The following BCR variants were observed in gnomAD, a reference collection of about 807,000 sequenced individuals.
BCR encodes the protein BCR activator of RhoGEF and GTPase.
In BCR, 58 loss-of-function variants were observed where a neutral mutation model predicts 138.6. The ratio of observed to expected loss-of-function variants is 0.42; its 90% confidence interval spans 0.34 to 0.52. The LOEUF (loss-of-function observed/expected upper bound fraction) is 0.52, where lower values mean the gene tolerates loss of function less well. Ranked by LOEUF, BCR falls within the 20% of genes least tolerant of loss-of-function variation. The probability of loss-of-function intolerance (pLI) is 0.06; values close to 1 mark genes in which losing one functional copy is unlikely to be tolerated. For synonymous variants in BCR, 786 were observed against 730.1 expected (o/e 1.08, Z -1.23); for missense variants, 1,599 against 1,727.2 (o/e 0.93, Z 1.32).
At chr22:23,256,430 C>T (rs929131472) in intron 2 of BCR, among the ~76,000 whole-genome samples, 15 of 152,100 alleles carry the variant, frequency 9.9e-5, no homozygotes, top group African/African-American at 3.6e-4. Flanking sequence ...TGGCCTGTTG[C>T]GACAACCTGC....
Position 23,313,976 on chromosome 22 carries a change from G to T in BCR, c.3466G>T (p.Asp1156Tyr). Residue 1156 changes from aspartate (D) to tyrosine (Y), a missense_variant, in exon 21 of 23, where the codon GAC (aspartate) becomes TAC (tyrosine). By Grantham distance (160) the Asp-to-Tyr change is radical (BLOSUM62 -3). This residue lies in a region of BCR where 177 missense variants were observed against 226.4 expected (regional missense o/e 0.78). Transcript: ENST00000305877. The part of the protein sequence containing the change: ...PNFAEGIALS[D>Y]PVAKESCMLN... ...CCCACCGCCTTCTGCAGCTCTTTCAGACCCGGTTGCAAAGGAGAGCTGCAT... is the reference window on the plus strand; with the variant it reads ...CCCACCGCCTTCTGCAGCTCTTTCATACCCGGTTGCAAAGGAGAGCTGCAT... 1 of 1,613,928 alleles carries T rather than the reference G, an allele frequency of 6.2e-7. No individual in the cohort carries two copies. The highest frequency in any genetic ancestry group is 8.5e-7 in the Non-Finnish European group (1 of 1,179,954).
At chr22:23,208,281 T>A (rs1403868784) in intron 1 of BCR, among the ~76,000 whole-genome samples, 1 of 152,150 alleles carries the variant, frequency 6.6e-6, no homozygotes, top group Non-Finnish European at 1.5e-5. Context: ...CTTGTCCCTT[T>A]CACCTGTGCC....
chr22:23,250,258 GAA>G (rs1401527900), intron 1 of BCR, among the ~76,000 whole-genome samples: 22 of 152,334 alleles, frequency 1.4e-4, no homozygotes, highest in Non-Finnish European at 2.2e-4. Flanking sequence ...CATGGGCTCG[GAA>G]AGCACTCAGA....
chr22:23,228,514 A>G (rs1418257038), intron 1 of BCR, among the ~76,000 whole-genome samples: 1 of 152,186 alleles, frequency 6.6e-6, no homozygotes, highest in Non-Finnish European at 1.5e-5. Context: ...AAAACATACT[A>G]CCTTATAGTT....
chr22:23,313,811 C>T (rs2074034640), intron 20 of BCR, among the ~76,000 whole-genome samples, 157 bp from the exon 21 acceptor site: 1 of 152,168 alleles, frequency 6.6e-6, no homozygotes, highest in Non-Finnish European at 1.5e-5. Flanking sequence ...ACAGGTGCCC[C>T]TCACAGGGTC....
chr22:23,229,022 A>G (rs1339531420), intron 1 of BCR, among the ~76,000 whole-genome samples: 1 of 152,062 alleles, frequency 6.6e-6, no homozygotes, highest in African/African-American at 2.4e-5. Flanking sequence ...ATGTTGTTCC[A>G]TAGATGCTTG....
intron 1 of BCR, among the ~76,000 whole-genome samples, chr22:23,213,719 A>ATGC (rs2072714679): frequency 6.6e-6 from 1 of 152,026 alleles, no homozygotes; most frequent in Non-Finnish European, 1.5e-5. Flanking sequence ...AGTCCTAGCT[A>ATGC]CTCAGGAGGC....
rs562784511 is a variant in BCR, at chr22:23,231,336, C to T, written c.1280-22463C>T. Among the ~76,000 whole-genome samples, 9 of 151,596 alleles carry T rather than the reference C, an allele frequency of 5.9e-5. No homozygotes were observed. The South Asian group carries it at 1.3e-3, about 21-fold the overall frequency. The stretch of plus-strand genomic sequence containing the variant: ...CAGCCTGGGCAACCTAGTGAGACTC[C>T]GTCTCTATAAAAAAATAAAATTAGC... On this transcript the variant is annotated intron_variant, in intron 1 of 22. Coordinates refer to ENST00000305877, the MANE Select transcript of BCR (RefSeq NM_004327.4).
intron 1 of BCR, among the ~76,000 whole-genome samples, chr22:23,209,530 A>G (rs2072657781): frequency 7.0e-6 from 1 of 143,392 alleles, no homozygotes; most frequent in African/African-American, 3.0e-5. Context: ...CTTGTTTGCT[A>G]ATTTATTTAT....
intron 1 of BCR, among the ~76,000 whole-genome samples, chr22:23,225,304 A>T (rs143538311): frequency 1.5e-3 from 223 of 151,580 alleles, no homozygotes; most frequent in African/African-American, 5.1e-3. Context: ...GTGCATGGTG[A>T]TTATTTTGAG....
intron 20 of BCR, 151 bp downstream of exon 20, chr22:23,313,172 A>G: frequency 2.0e-6 from 2 of 997,180 alleles, no homozygotes; most frequent in Non-Finnish European, 2.9e-6. Flanking sequence ...GCAGGGGACC[A>G]GAACCGAGCC....
chr22:23,265,549 ACCT>A (rs1275401890), intron 4 of BCR, among the ~76,000 whole-genome samples: 2 of 152,150 alleles, frequency 1.3e-5, no homozygotes, highest in East Asian at 1.9e-4. Context: ...GGCTTCTGCC[ACCT>A]CCTCCTGTGG....
chr22:23,188,086 A>G (rs2072369741), intron 1 of BCR, among the ~76,000 whole-genome samples: 1 of 152,208 alleles, frequency 6.6e-6, no homozygotes, highest in Non-Finnish European at 1.5e-5. Context: ...AGTTGGCTCC[A>G]TCGTCATCTC....
In BCR at chr22:23,181,415, C is replaced by T. The variant is rs149933313; in HGVS notation, c.455C>T (p.Ala152Val). The change falls in exon 1 of 23, where the codon GCG becomes GTG. Residue 152 changes from alanine to valine, a missense_variant. This residue lies in a region of BCR where 806 missense variants were observed against 635.0 expected (regional missense o/e 1.27). Transcript: ENST00000305877. ...RDDRGPPASV[A>V]ALRSNFERIR... is the part of the protein sequence containing the mutation. Reference sequence around the variant, plus strand: ...GACCGGGGACCCCCCGCCAGCGTGGCGGCGCTCAGGTCCAACTTCGAGCGG... The same window carrying T: ...GACCGGGGACCCCCCGCCAGCGTGGTGGCGCTCAGGTCCAACTTCGAGCGG... The T allele has an allele frequency of 2.1e-3, 3,316 of 1,575,312 alleles. 16 individuals carry two copies. The highest frequency in any genetic ancestry group is 2.0e-3 in the Non-Finnish European group (2,300 of 1,159,422).
chr22:23,206,019 T>C (rs1013391258), intron 1 of BCR, among the ~76,000 whole-genome samples: 1 of 152,116 alleles, frequency 6.6e-6, no homozygotes, highest in African/African-American at 2.4e-5. Flanking sequence ...GTGAGGCAGG[T>C]AGGGTAGTCT....
At chr22:23,271,502 CTG>C in intron 5 of BCR, 28 bp from the exon 6 acceptor site, 1 of 1,611,648 alleles carries the variant, frequency 6.2e-7, no homozygotes, top group Non-Finnish European at 8.5e-7. Flanking sequence ...CTTCTGTCAT[CTG>C]TGTGAACATG....
Position 23,256,007 on chromosome 22 carries a change from G to A in BCR, c.1461+2027G>A, listed in dbSNP as rs184548751. Among the ~76,000 whole-genome samples, 341 of 152,296 alleles carry A rather than the reference G, an allele frequency of 2.2e-3. 2 individuals carry two copies. Among genetic ancestry groups the A allele is most frequent in the African/African-American group, 7.8e-3 (325 of 41,556 alleles). ...TTCCCAGTGGTTGGGGCCCCAGGAC[G>A]GGTACCCTTCACTGCTCTGGAGACA... On this transcript the variant is annotated intron_variant, in intron 2 of 22. Coordinates refer to ENST00000305877, the MANE Select transcript of BCR (RefSeq NM_004327.4).
intron 1 of BCR, among the ~76,000 whole-genome samples, chr22:23,213,048 A>G (rs1180555866): frequency 6.6e-6 from 1 of 152,112 alleles, no homozygotes; most frequent in African/African-American, 2.4e-5. Context: ...TTCCTCACGG[A>G]GTGCTGCTCC....
intron 1 of BCR, among the ~76,000 whole-genome samples, chr22:23,211,840 G>A (rs182248562): frequency 6.6e-6 from 1 of 152,088 alleles, no homozygotes; most frequent in African/African-American, 2.4e-5. Flanking sequence ...ACCCTCCAGG[G>A]GTAGGGGCTG....
Sources: gnomAD v4.1 joint callset for allele counts (sites outside exome capture counted in the v4.1 genomes callset) on GRCh38, gnomAD v4.1.1 for gene constraint, gnomAD v4.1.1 regional missense constraint, MANE v1.5 for transcripts, NCBI Gene and HGNC (gene_info 2026-07-23, HGNC 2026-07-21) for gene names.